NXPE2: variants seen among roughly 807,000 people sequenced by gnomAD.
NXPE2 encodes the protein neurexophilin and PC-esterase domain family member 2, also known as NXPE family member 2.
In NXPE2, 34 loss-of-function variants were observed where a neutral mutation model predicts 34.4. That is an observed-to-expected ratio of 0.99 (90% CI 0.75 to 1.31). NXPE2 has a LOEUF of 1.31. Among genes scored for constraint, NXPE2 ranks in the 40% most tolerant of loss-of-function variants. The pLI, the probability that NXPE2 is intolerant of heterozygous loss-of-function variation, is 0.00. For missense variants in NXPE2, 649 were observed against 672.5 expected (o/e 0.97, Z 0.39); for synonymous variants, 235 against 231.3 (o/e 1.02, Z -0.15).
chr11:114,786,079 A>G, the NXPE2 span, among the ~76,000 whole-genome samples: 2 of 152,352 alleles, frequency 1.3e-5, no homozygotes, highest in African/African-American at 4.8e-5. Context: ...GTGGTGCTGT[A>G]GGAACCTGTA....
the NXPE2 span, among the ~76,000 whole-genome samples, chr11:114,781,802 C>CTTAT: frequency 1.3e-5 from 2 of 152,116 alleles, no homozygotes; most frequent in Non-Finnish European, 2.9e-5. Context: ...ACAGACTCCC[C>CTTAT]TTATTTTGTT....
chr11:114,727,069 C>G, the NXPE2 span, among the ~76,000 whole-genome samples: 2 of 152,100 alleles, frequency 1.3e-5, no homozygotes, highest in African/African-American at 4.8e-5. Flanking sequence ...AGCTTCCACT[C>G]AGTACTCAGT....
chr11:114,599,238 A>G, the NXPE2 span, among the ~76,000 whole-genome samples: 2 of 152,152 alleles, frequency 1.3e-5, no homozygotes, highest in Non-Finnish European at 2.9e-5. Flanking sequence ...TCACTAAACC[A>G]TAACAAAACT....
At chr11:114,777,953 C>T in the NXPE2 span, among the ~76,000 whole-genome samples, 1 of 152,338 alleles carries the variant, frequency 6.6e-6, no homozygotes. Context: ...GACATGGTCT[C>T]TGCTTTTACC....
the NXPE2 span, among the ~76,000 whole-genome samples, chr11:114,810,618 C>G: frequency 6.6e-6 from 1 of 151,710 alleles, no homozygotes; most frequent in African/African-American, 2.4e-5. Context: ...CAGAGAAATG[C>G]AAATCAAAAC....
the NXPE2 span, chr11:114,581,753 G>T: frequency 3.7e-6 from 6 of 1,611,706 alleles, no homozygotes; most frequent in Non-Finnish European, 5.1e-6. Context: ...TAATTGTATT[G>T]AATTTTTCCA....
the NXPE2 span, among the ~76,000 whole-genome samples, chr11:114,776,656 T>C: frequency 9.2e-5 from 14 of 152,322 alleles, no homozygotes; most frequent in Non-Finnish European, 1.8e-4. Context: ...TTTCCTTAAC[T>C]CATTGTAAAG....
chr11:114,631,454 A>G, the NXPE2 span, among the ~76,000 whole-genome samples: 5 of 145,780 alleles, frequency 3.4e-5, no homozygotes, highest in East Asian at 2.0e-4. Flanking sequence ...ATTCTCACTC[A>G]TAGGTGGGAA....
At chr11:114,780,395 G>A in the NXPE2 span, among the ~76,000 whole-genome samples, 3 of 152,346 alleles carry the variant, frequency 2.0e-5, no homozygotes, top group East Asian at 5.8e-4. Context: ...TGTGCCTGCA[G>A]GAAATGGGTG....
At chr11:114,720,560 A>C in the NXPE2 span, among the ~76,000 whole-genome samples, 10 of 152,200 alleles carry the variant, frequency 6.6e-5, no homozygotes, top group Non-Finnish European at 1.2e-4. Flanking sequence ...GCTGCTAAAC[A>C]CTTGAAATGT....
intron 2 of NXPE2, among the ~76,000 whole-genome samples, chr11:114,687,855 T>TG (rs140552016): frequency 0.1 from 15,136 of 152,002 alleles, 883 homozygotes; most frequent in Middle Eastern, 0.2. Flanking sequence ...TTGTAGCTGT[T>TG]TACATAGGAT....
the NXPE2 span, among the ~76,000 whole-genome samples, chr11:114,558,885 T>A: frequency 6.6e-6 from 1 of 152,190 alleles, no homozygotes; most frequent in Non-Finnish European, 1.5e-5. Context: ...AAGTTTGTTT[T>A]CAGTTGATTA....
At chr11:114,576,978 TATATATATATATAC>T in the NXPE2 span, among the ~76,000 whole-genome samples, 1 of 85,498 alleles carries the variant, frequency 1.2e-5, no homozygotes, top group Admixed American at 1.3e-4. Context: ...AAGATGTTTA[TATATATATATATAC>T]ATATATATAT....
At chr11:114,583,581 G>C in the NXPE2 span, 2 of 595,386 alleles carry the variant, frequency 3.4e-6, no homozygotes, top group Admixed American at 3.7e-5. Flanking sequence ...TTTGACTTCT[G>C]TCAGTTGTCT....
At chr11:114,476,214 A>G in the NXPE2 span, among the ~76,000 whole-genome samples, 11 of 152,360 alleles carry the variant, frequency 7.2e-5, no homozygotes, top group Non-Finnish European at 1.0e-4. Context: ...GATAAAAAAT[A>G]AAGTCTTCTT....
the NXPE2 span, among the ~76,000 whole-genome samples, chr11:114,495,883 T>C: frequency 6.6e-6 from 1 of 152,128 alleles, no homozygotes; most frequent in East Asian, 1.9e-4. Context: ...GGTTTCCAAG[T>C]TGCAAGACAA....
At chr11:114,714,576 T>C in the NXPE2 span, among the ~76,000 whole-genome samples, 1 of 152,226 alleles carries the variant, frequency 6.6e-6, no homozygotes. Flanking sequence ...GCCAGGCCTC[T>C]GTATCTCCCA....
At chr11:114,776,893 A>G in the NXPE2 span, among the ~76,000 whole-genome samples, 1 of 152,228 alleles carries the variant, frequency 6.6e-6, no homozygotes, top group Admixed American at 6.5e-5. Context: ...TAACAGCTGC[A>G]TTTTTTCAAA....
At chr11:114,489,042 C>T in the NXPE2 span, among the ~76,000 whole-genome samples, 4 of 152,088 alleles carry the variant, frequency 2.6e-5, no homozygotes, top group Non-Finnish European at 5.9e-5. Flanking sequence ...CACTGATCCT[C>T]CAGAAATACA....
Sources: allele counts gnomAD v4.1 joint callset (sites outside exome capture counted in the v4.1 genomes callset), GRCh38; gene constraint gnomAD v4.1.1; transcripts MANE v1.5; gene names NCBI Gene and HGNC (gene_info 2026-07-23, HGNC 2026-07-21).